Variants in CHAF1B observed in about 807,000 individuals in gnomAD.
The protein encoded by CHAF1B is CAF-1 subunit B.
CHAF1B carries 10 observed loss-of-function variants against 60.7 expected under a neutral mutation model. That is an observed-to-expected ratio of 0.16 (90% CI 0.10 to 0.28). CHAF1B has a LOEUF of 0.28. Ranked by LOEUF, CHAF1B falls within the 10% of genes least tolerant of loss-of-function variation. CHAF1B has a pLI of 1.00. For missense variants in CHAF1B, 558 were observed against 708.4 expected, an observed-to-expected ratio of 0.79 and a Z score of 2.41; for synonymous variants, 261 against 266.1, an observed-to-expected ratio of 0.98 and a Z score of 0.19.
chr21:36,402,980 G>A, intron 8 of CHAF1B, 129 bp downstream of exon 8: 1 of 710,450 alleles, frequency 1.4e-6, no homozygotes, highest in Non-Finnish European at 2.4e-6. Context: ...CCTGCCCATT[G>A]GAACCTCCAG....
chr21:36,400,716 G>A (rs939580687), intron 7 of CHAF1B, among the ~76,000 whole-genome samples: 15 of 152,124 alleles, frequency 9.9e-5, no homozygotes, highest in Non-Finnish European at 1.9e-4. Flanking sequence ...AGAGAGTTTT[G>A]CTAGCAGACA....
At position 36,413,187 on chromosome 21, in the gene CHAF1B, T is replaced by C. The variant is rs752859731; in HGVS notation, c.1365T>C (p.Ala455=). The part of the protein sequence containing the change: ...VIRDPPSITP[A]VKSPLPGPSE... ...GGGACCCTCCCTCCATCACTCCTGC[T>C]GTCAAAAGCCCCTTGCCGGGGCCTT... Residue 455 remains alanine (A), a synonymous_variant, in exon 12 of 14, where the codon GCT becomes GCC. Coordinates refer to ENST00000314103, the MANE Select transcript of CHAF1B (RefSeq NM_005441.3). 2 of 1,613,870 alleles carry C rather than the reference T, an allele frequency of 1.2e-6. No individual in the cohort carries two copies. The highest frequency in any genetic ancestry group is 1.7e-6 in the Non-Finnish European group (2 of 1,180,014).
rs2086334571 is a variant in CHAF1B at position 36,418,556 on chromosome 21, G to A, written c.*2190G>A. 6.6e-6 allele frequency: 1 copy of A among 152,002 alleles called. No homozygotes were observed. Among genetic ancestry groups the A allele is most frequent in the Non-Finnish European group, 1.5e-5 (1 of 68,150 alleles). The allele number at this position is 152,002 out of a possible 1,614,324, so 9.4% of individuals were successfully genotyped here. On this transcript the variant is annotated 3_prime_UTR_variant, in exon 14 of 14. Transcript: ENST00000314103. ...TCCTGGCCATACCTGGGGAGGAACAGTATTAGGTTTTTCTGGGTGTGGTGG... is the reference window on the plus strand; with the variant it reads ...TCCTGGCCATACCTGGGGAGGAACAATATTAGGTTTTTCTGGGTGTGGTGG...
intron 6 of CHAF1B, 89 bp from the exon 7 acceptor site, chr21:36,399,432 G>T: frequency 9.3e-7 from 1 of 1,072,880 alleles, no homozygotes; most frequent in Non-Finnish European, 1.4e-6. Context: ...AACTGTTGCG[G>T]TGGTAATAGG....
At chr21:36,396,134 G>A (rs1601559999) in intron 5 of CHAF1B, among the ~76,000 whole-genome samples, 1 of 151,348 alleles carries the variant, frequency 6.6e-6, no homozygotes, top group Non-Finnish European at 1.5e-5. Context: ...AAGGTAGCTG[G>A]GATTACAGGC....
chr21:36,394,431 A>C, intron 4 of CHAF1B, 116 bp from the exon 5 acceptor site: 1 of 683,824 alleles, frequency 1.5e-6, no homozygotes, highest in Non-Finnish European at 2.5e-6. Flanking sequence ...GCTGGCCTTG[A>C]ACTCCTGACC....
At chr21:36,407,941 G>C (rs985982479) in intron 8 of CHAF1B, among the ~76,000 whole-genome samples, 3 of 151,584 alleles carry the variant, frequency 2.0e-5, no homozygotes, top group Non-Finnish European at 4.4e-5. Context: ...TCACGCCATC[G>C]CACTCCAGCC....
At chr21:36,387,820 C>CTTTT in intron 3 of CHAF1B, 90 bp downstream of exon 3, 2 of 1,124,696 alleles carry the variant, frequency 1.8e-6, no homozygotes. Context: ...GCTGGATATG[C>CTTTT]TTTTTTTTTT....
chr21:36,391,340 A>G (rs1003197500), intron 3 of CHAF1B, among the ~76,000 whole-genome samples: 1 of 151,996 alleles, frequency 6.6e-6, no homozygotes, highest in Admixed American at 6.6e-5. Flanking sequence ...CCTGACATGC[A>G]GCTAATTTTT....
At chr21:36,412,729 A>C in intron 11 of CHAF1B, 155 bp from the exon 12 acceptor site, 2 of 685,062 alleles carry the variant, frequency 2.9e-6, no homozygotes, top group East Asian at 2.7e-5. Flanking sequence ...ATGAAACTGC[A>C]TGAGTGAGTC....
rs370336150 is a variant in CHAF1B, at chr21:36,411,563, C to T, written c.1020C>T (p.Tyr340=). The T allele has an allele frequency of 4.6e-5, 74 of 1,613,920 alleles. No individual in the cohort carries two copies. The highest frequency in any genetic ancestry group is 1.6e-4 in the African/African-American group (12 of 74,866). ...YDTQQSFPFG[Y]VSNIHYHTLS... is the part of the protein sequence containing the mutation. ...CCCAGCAGTCCTTCCCTTTTGGTTA[C>T]GTGTCTAATATACATTACCACACCC... Residue 340 remains tyrosine (Y), a synonymous_variant, in exon 11 of 14, where the codon TAC becomes TAT. Transcript: ENST00000314103.
At position 36,397,233 on chromosome 21, in the gene CHAF1B, C is replaced by T. The variant is rs191410027; in HGVS notation, c.482-182C>T. Among the ~76,000 whole-genome samples, 5 of 152,276 alleles carry T rather than the reference C, an allele frequency of 3.3e-5. No individual in the cohort carries two copies. In the East Asian group the frequency reaches 9.6e-4, roughly 29 times the overall value. On this transcript the variant is annotated intron_variant, in intron 5 of 13. Coordinates refer to ENST00000314103, the MANE Select transcript of CHAF1B (RefSeq NM_005441.3). ...GTGGGCTCCCTGAGGGTGGGGACTG[C>T]ATGAAGTCATCTTTGTGACCCCAGA...
At chr21:36,395,597 T>A (rs2146364459) in intron 5 of CHAF1B, among the ~76,000 whole-genome samples, 1 of 152,108 alleles carries the variant, frequency 6.6e-6, no homozygotes, top group East Asian at 1.9e-4. Context: ...ACAAGTCACT[T>A]ATAATTTATA....
At chr21:36,406,532 C>A (rs218650) in intron 8 of CHAF1B, among the ~76,000 whole-genome samples, 97,734 of 151,886 alleles carry the variant, frequency 0.64, 34,006 homozygotes, top group Non-Finnish European at 0.78. Flanking sequence ...GTGATCCACC[C>A]GCCTCAGCCT....
At chr21:36,392,737 G>C (rs559080795) in intron 4 of CHAF1B, among the ~76,000 whole-genome samples, 100 of 151,386 alleles carry the variant, frequency 6.6e-4, no homozygotes, top group Middle Eastern at 3.4e-3. Flanking sequence ...ACAGGGCGGC[G>C]GGGCAGAGGC....
At position 36,412,949 on chromosome 21, in the gene CHAF1B, A is replaced by G. The variant is rs2086289039; in HGVS notation, c.1127A>G (p.Glu376Gly). 6.2e-7 allele frequency: 1 copy of G among 1,614,056 alleles called. No individual in the cohort carries two copies. Among genetic ancestry groups the G allele is most frequent in the African/African-American group, 1.3e-5 (1 of 74,908 alleles). ...GGTTACTGCTCATTTGTGACATTTGAGAAAGATGAACTTGGAATTCCTTTG... is the reference window on the plus strand; with the variant it reads ...GGTTACTGCTCATTTGTGACATTTGGGAAAGATGAACTTGGAATTCCTTTG... Reference protein sequence around the residue: ...TDGYCSFVTFEKDELGIPLKE... With the variant: ...TDGYCSFVTFGKDELGIPLKE... The change falls in exon 12 of 14, where the codon GAG becomes GGG. Residue 376 changes from glutamate (E) to glycine (G), a missense_variant. This residue lies in a region of CHAF1B where 325 missense variants were observed against 493.5 expected (regional missense o/e 0.66). Coordinates refer to ENST00000314103, the MANE Select transcript of CHAF1B (RefSeq NM_005441.3).
chr21:36,409,106 C>T (rs1044443647), intron 9 of CHAF1B, among the ~76,000 whole-genome samples: 4 of 151,332 alleles, frequency 2.6e-5, no homozygotes, highest in Admixed American at 6.6e-5. Context: ...CCGCTTGCCT[C>T]GGCCTCCCAA....
At chr21:36,410,827 CT>C (rs1246338365) in intron 10 of CHAF1B, among the ~76,000 whole-genome samples, 7 of 151,888 alleles carry the variant, frequency 4.6e-5, no homozygotes, top group African/African-American at 1.7e-4. Flanking sequence ...CACCCAGCTA[CT>C]TTTTTTATTT....
At position 36,400,989 on chromosome 21, in the gene CHAF1B, C is replaced by T. The variant is rs141542144; in HGVS notation, c.663+1384C>T. ...GTGAAGTAAGAATAGTAATGCTTCC[C>T]GGGTGCGGTGGCTCAGCCTGTAATC... On this transcript the variant is annotated intron_variant, in intron 7 of 13. Transcript: ENST00000314103. Among the ~76,000 whole-genome samples the T allele has an allele frequency of 1.1e-4, 16 of 152,002 alleles. No individual in the cohort carries two copies. In the East Asian group the frequency reaches 1.5e-3, roughly 15 times the overall value.
Sources: allele counts gnomAD v4.1 joint callset (sites outside exome capture counted in the v4.1 genomes callset), GRCh38; gene constraint gnomAD v4.1.1; regional missense constraint gnomAD v4.1.1; transcripts MANE v1.5; gene names NCBI Gene and HGNC (gene_info 2026-07-23, HGNC 2026-07-21).